Variants in CEP131 observed in about 807,000 individuals in gnomAD.
CEP131 encodes centrosomal protein 131, also known as centrosomal protein of 131 kDa.
CEP131 carries 99 observed loss-of-function variants against 136.8 expected under a neutral mutation model. The ratio of observed to expected loss-of-function variants is 0.72; its 90% CI spans 0.62 to 0.86. CEP131 has a LOEUF of 0.86. CEP131 is among the 40% of genes least tolerant of loss of function. CEP131 has a pLI of 0.00. For synonymous variants in CEP131, 646 were observed against 612.7 expected, an observed-to-expected ratio of 1.05 and a Z score of -0.80; for missense variants, 1,459 against 1,463.0, an observed-to-expected ratio of 1.00 and a Z score of 0.04.
rs887080910 is a variant in CEP131 at position 81,191,484 on chromosome 17, G to A, written c.2623-149C>T. 4.0e-5 allele frequency: 28 copies of A among 700,624 alleles called. No individual in the cohort carries two copies. The Admixed American group carries it at 5.2e-4, about 13-fold the overall frequency. 43.4% of individuals were successfully genotyped at this position (700,624 alleles called of 1,614,324 possible). ...TCTCCAGACCCCTGTCCAGGGGTGC[G>A]CTACGTCCTGTTGTCAGGACCCAGT... is the stretch of plus-strand genomic sequence containing the variant. On this transcript the variant is annotated intron_variant, in intron 21 of 25. Transcript: ENST00000450824.
intron 13 of CEP131, chr17:81,197,284 A>G (rs992160743): frequency 9.9e-6 from 6 of 608,024 alleles, no homozygotes; most frequent in Admixed American, 6.3e-5. Flanking sequence ...AACCATTTAA[A>G]AAGTTCTATG....
At chr17:81,192,422 T>C in intron 20 of CEP131, 30 bp from the exon 21 acceptor site, 1 of 1,611,418 alleles carries the variant, frequency 6.2e-7, no homozygotes, top group Non-Finnish European at 8.5e-7. Flanking sequence ...GGCCAGTCAG[T>C]CCCACCCCGT....
intron 4 of CEP131, 56 bp downstream of exon 4, chr17:81,207,069 C>T (rs1567871304): frequency 6.4e-7 from 1 of 1,566,994 alleles, no homozygotes; most frequent in African/African-American, 1.4e-5. Context: ...AAATTAGGAA[C>T]CAGGCCACAA....
intron 18 of CEP131, among the ~76,000 whole-genome samples, chr17:81,193,265 GA>G (rs1394393752): frequency 6.6e-6 from 1 of 152,224 alleles, no homozygotes; most frequent in Non-Finnish European, 1.5e-5. Context: ...TCCGTGACCT[GA>G]GCAAGCTCGC....
intron 2 of CEP131, among the ~76,000 whole-genome samples, chr17:81,213,369 G>A (rs2062176014): frequency 6.6e-6 from 1 of 152,126 alleles, no homozygotes; most frequent in African/African-American, 2.4e-5. Flanking sequence ...AGACCAGCCT[G>A]GCCAACATGG....
chr17:81,204,468 G>A (rs2061960864), intron 5 of CEP131, among the ~76,000 whole-genome samples: 1 of 152,116 alleles, frequency 6.6e-6, no homozygotes, highest in South Asian at 2.1e-4. Context: ...ACTGGTAGGT[G>A]GGGATACTCA....
In CEP131 at chr17:81,203,619, G is replaced by C; in HGVS notation, c.516-12C>G. 6.4e-7 allele frequency: 1 copy of C among 1,574,296 alleles called. No homozygotes were observed. The highest frequency in any genetic ancestry group is 8.6e-7 in the Non-Finnish European group (1 of 1,159,458). On this transcript the variant is annotated splice_polypyrimidine_tract_variant and intron_variant, in intron 5 of 25. Coordinates refer to ENST00000450824, the MANE Select transcript of CEP131 (RefSeq NM_014984.4). This position sits in a 1 kb window ranked among gnomAD's most constrained non-coding sequence, Gnocchi z 4.6. The stretch of plus-strand genomic sequence containing the variant: ...CTCCCTTGTTGCTCCTGCCAGGCCG[G>C]AAGAGAGACAGGAATGGTCAGGCCT...
At chr17:81,205,957 G>C (rs1432977485) in intron 5 of CEP131, among the ~76,000 whole-genome samples, 2 of 152,168 alleles carry the variant, frequency 1.3e-5, no homozygotes, top group Non-Finnish European at 2.9e-5. Context: ...TATAATCCCA[G>C]CACTTTGGGA....
intron 7 of CEP131, among the ~76,000 whole-genome samples, chr17:81,201,805 C>A (rs563161247): frequency 1.3e-5 from 2 of 152,244 alleles, no homozygotes; most frequent in Admixed American, 6.5e-5. Flanking sequence ...TGCTCGGTCT[C>A]AATATTTTAA....
chr17:81,207,917 TAACAC>T (rs2062043642), intron 3 of CEP131, among the ~76,000 whole-genome samples: 4 of 992 alleles, frequency 4.0e-3, no homozygotes, highest in Admixed American at 0.014. Context: ...ACACACCACA[TAACAC>T]ACACACCACA....
intron 2 of CEP131, among the ~76,000 whole-genome samples, chr17:81,218,345 G>C (rs2062302139): frequency 6.6e-6 from 1 of 152,172 alleles, no homozygotes; most frequent in Non-Finnish European, 1.5e-5. Context: ...GCCCAGCCCA[G>C]ATCTGCGATT....
Position 81,191,212 on chromosome 17 carries a change from C to G in CEP131, c.2746G>C (p.Glu916Gln). The G allele has an allele frequency of 3.7e-6, 6 of 1,612,804 alleles. No individual in the cohort carries two copies. Among genetic ancestry groups the G allele is most frequent in the South Asian group, 1.1e-5 (1 of 91,080 alleles). The change falls in exon 22 of 26, where the codon GAG becomes CAG. Residue 916 changes from glutamate to glutamine, a missense_variant. Physicochemically the swap from Glu to Gln is conservative, Grantham distance 29. Around this residue, in one of 3 missense-constraint regions of CEP131, gnomAD observed 1,026 missense variants for 964.2 expected, o/e 1.06. Transcript: ENST00000450824. Reference protein sequence around the residue: ...ADMALAKEESEKAAESRIKRL... With the variant: ...ADMALAKEESQKAAESRIKRL... ...CCTTACCGGCTCTCGGCAGCCTTCTCACTCTCCTCCTTGGCCAGCGCCATG... is the reference window on the plus strand; with the variant it reads ...CCTTACCGGCTCTCGGCAGCCTTCTGACTCTCCTCCTTGGCCAGCGCCATG...
chr17:81,192,180 C>G (rs904435357), intron 21 of CEP131, 138 bp downstream of exon 21: 87 of 755,374 alleles, frequency 1.2e-4, no homozygotes, highest in Non-Finnish European at 1.8e-4. Context: ...ACAACAACCC[C>G]AAGCAGCCAG....
rs1167489506 is a variant in CEP131, at chr17:81,208,409, C to A, written c.272+519G>T. On this transcript the variant is annotated intron_variant, in intron 3 of 25. Transcript: ENST00000450824. The surrounding 1 kb of genome is among the most constrained non-coding windows in gnomAD (Gnocchi z 5.6). ...CCCACCACTCTGGGCTAGAGGATGTCCCCCCGGAGGCTGCTGGCCACCACC... is the reference window on the plus strand; with the variant it reads ...CCCACCACTCTGGGCTAGAGGATGTACCCCCGGAGGCTGCTGGCCACCACC... 1.3e-5 allele frequency among the ~76,000 whole-genome samples: 2 copies of A among 152,134 alleles called. No individual in the cohort carries two copies. The highest frequency in any genetic ancestry group is 2.4e-5 in the African/African-American group (1 of 41,428).
chr17:81,199,032 G>C, intron 10 of CEP131, 61 bp from the exon 11 acceptor site: 1 of 1,420,464 alleles, frequency 7.0e-7, no homozygotes, highest in Non-Finnish European at 9.3e-7. Flanking sequence ...AGCAACTCTG[G>C]AGGCACCCCC....
At position 81,219,858 on chromosome 17, in the gene CEP131, A is replaced by G. The variant is rs368132636; in HGVS notation, c.177+22T>C. On this transcript the variant is annotated intron_variant, in intron 2 of 25. Coordinates refer to ENST00000450824, the MANE Select transcript of CEP131 (RefSeq NM_014984.4). This position sits in a 1 kb window ranked among gnomAD's most constrained non-coding sequence, Gnocchi z 4.0. ...AGCCCTCCAGGAGGCAGGGGCCCGG[A>G]CTCCTAGGCCACAGTACTCACCAGC... 2.3e-5 allele frequency: 36 copies of G among 1,537,836 alleles called. No homozygotes were observed. Among genetic ancestry groups the G allele is most frequent in the Non-Finnish European group, 3.2e-5 (36 of 1,136,718 alleles).
intron 1 of CEP131, among the ~76,000 whole-genome samples, chr17:81,221,942 C>T (rs1323646304): frequency 6.6e-6 from 1 of 152,220 alleles, no homozygotes; most frequent in Non-Finnish European, 1.5e-5. Context: ...CCCAAGGTCC[C>T]TTCCACGGAG....
chr17:81,204,615 A>C (rs765068055), intron 5 of CEP131, among the ~76,000 whole-genome samples: 4 of 152,152 alleles, frequency 2.6e-5, no homozygotes, highest in Admixed American at 6.5e-5. Flanking sequence ...GAGGCCCAAA[A>C]TCAAACCAAC....
At position 81,196,831 on chromosome 17, in the gene CEP131, A is replaced by T; in HGVS notation, c.1774-5T>A. 6.3e-7 allele frequency: 1 copy of T among 1,597,058 alleles called. No individual in the cohort carries two copies. The highest frequency in any genetic ancestry group is 8.5e-7 in the Non-Finnish European group (1 of 1,172,896). ...CGTGAGGTCTCGCTGCTGCGCCTGC[A>T]GGGTGTGGGCAGAGGAGGGAAGCGC... On this transcript the variant is annotated splice_polypyrimidine_tract_variant and splice_region_variant and intron_variant, in intron 14 of 25. Transcript: ENST00000450824.
Sources: allele counts gnomAD v4.1 joint callset (sites outside exome capture counted in the v4.1 genomes callset), GRCh38; gene constraint gnomAD v4.1.1; regional missense constraint gnomAD v4.1.1; non-coding constraint Gnocchi (gnomAD v3.1); transcripts MANE v1.5; gene names NCBI Gene and HGNC (gene_info 2026-07-23, HGNC 2026-07-21).